The following DLAT variants were observed in gnomAD, a reference collection of about 807,000 sequenced individuals.
The protein encoded by DLAT is dihydrolipoyllysine-residue acetyltransferase component of pyruvate dehydrogenase complex, mitochondrial.
A neutral mutation model predicts 68.0 loss-of-function variants in DLAT; 43 were observed. The ratio of observed to expected loss-of-function variants is 0.63; its 90% CI spans 0.50 to 0.81. The LOEUF is 0.81. DLAT is among the 40% of genes least tolerant of loss of function. DLAT has a pLI of 0.00. For synonymous variants in DLAT, 265 were observed against 288.6 expected (o/e 0.92, Z 0.83); for missense variants, 745 against 815.4 (o/e 0.91, Z 1.05).
chr11:112,043,641 C>G (rs984188843), intron 8 of DLAT, 108 bp downstream of exon 8: 10 of 1,070,798 alleles, frequency 9.3e-6, no homozygotes, highest in Non-Finnish European at 1.5e-6. Flanking sequence ...TTGTTTTCTT[C>G]TAATTTCAGT....
intron 5 of DLAT, among the ~76,000 whole-genome samples, chr11:112,036,124 C>CAT (rs1384689808): frequency 6.7e-5 from 9 of 133,590 alleles, no homozygotes; most frequent in Middle Eastern, 4.6e-3. Context: ...CAGACTTAAA[C>CAT]ATATATATAT....
Position 112,028,540 on chromosome 11 carries a change from G to T in DLAT, c.407G>T (p.Gly136Val). The change falls in exon 3 of 14, where the codon GGA (glycine) becomes GTA (valine). Residue 136 changes from glycine (G) to valine (V), a missense_variant. By Grantham distance (109) the Gly-to-Val change is moderately radical. Transcript: ENST00000280346. Reference sequence around the variant, plus strand: ...GTTGAAACTGATAAAGCCACTGTTGGATTTGAGAGCCTGGAGGAGTGTTAT... The same window carrying T: ...GTTGAAACTGATAAAGCCACTGTTGTATTTGAGAGCCTGGAGGAGTGTTAT... ...AEVETDKATV[G>V]FESLEECYMA... The T allele has an allele frequency of 3.1e-6, 5 of 1,614,098 alleles. No homozygotes were observed. The highest frequency in any genetic ancestry group is 4.2e-6 in the Non-Finnish European group (5 of 1,180,036).
intron 7 of DLAT, among the ~76,000 whole-genome samples, chr11:112,042,417 T>C (rs980463310): frequency 1.3e-5 from 2 of 152,182 alleles, no homozygotes; most frequent in African/African-American, 4.8e-5. Flanking sequence ...AGAAATCTAA[T>C]AGGGGTACTA....
intron 7 of DLAT, 44 bp from the exon 8 acceptor site, chr11:112,043,422 C>T (rs1296919465): frequency 6.4e-7 from 1 of 1,566,652 alleles, no homozygotes; most frequent in Non-Finnish European, 8.8e-7. Context: ...CCTTGGGGAA[C>T]CAATGGTATG....
chr11:112,025,639 G>A lies in DLAT; in HGVS notation c.167G>A (p.Arg56Gln), dbSNP rs782260343. ...GTGACTACAGGGTATGGCGGGGTCC[G>A]GGCACTGTGCGGCTGGACCCCCAGT... Reference protein sequence around the residue: ...NSVTTGYGGVRALCGWTPSSG... With the variant: ...NSVTTGYGGVQALCGWTPSSG... Residue 56 changes from arginine (R) to glutamine (Q), a missense_variant, in exon 1 of 14, where the codon CGG becomes CAG. Transcript: ENST00000280346. 50 of 1,613,332 alleles carry A rather than the reference G, an allele frequency of 3.1e-5. No homozygotes were observed. The highest frequency in any genetic ancestry group is 4.2e-5 in the Non-Finnish European group (50 of 1,179,982).
At position 112,026,298 on chromosome 11, in the gene DLAT, A is replaced by G; in HGVS notation, c.380A>G (p.Glu127Gly). ...ATCAATGAAGGTGACCTAATTGCAG[A>G]GGTAAGTTTTTTTTTTTTTTTTTAA... ...DKINEGDLIAEVETDKATVGF... is the reference protein window; with the variant it reads ...DKINEGDLIAGVETDKATVGF... Residue 127 changes from glutamate to glycine, a missense_variant and splice_region_variant, in exon 2 of 14, where the codon GAG (glutamate) becomes GGG (glycine). Glu to Gly is a moderately conservative substitution (Grantham distance 98). Transcript: ENST00000280346. 1 of 1,412,168 alleles carries G rather than the reference A, an allele frequency of 7.1e-7. No individual in the cohort carries two copies. Among genetic ancestry groups the G allele is most frequent in the Non-Finnish European group, 9.4e-7 (1 of 1,061,398 alleles). The allele number at this position is 1,412,168 out of a possible 1,614,324, so 87.5% of individuals were successfully genotyped here.
intron 5 of DLAT, among the ~76,000 whole-genome samples, chr11:112,036,165 A>ATGTGTGTGTGTGTGTGTG (rs797041830): frequency 2.0e-5 from 2 of 101,814 alleles, no homozygotes; most frequent in African/African-American, 4.6e-5. Context: ...GTGTGTGTAT[A>ATGTGTGTGTGTGTGTGTG]TATGTGTGTG....
At chr11:112,050,487 C>T (rs1863555379) in intron 10 of DLAT, among the ~76,000 whole-genome samples, 2 of 152,014 alleles carry the variant, frequency 1.3e-5, no homozygotes, top group Non-Finnish European at 1.5e-5. Flanking sequence ...AGAATACTGA[C>T]GAAGCCATTT....
At position 112,060,189 on chromosome 11, in the gene DLAT, A is replaced by C. The variant is rs1412496450; in HGVS notation, c.1677+124A>C. On this transcript the variant is annotated intron_variant, in intron 12 of 13. Coordinates refer to ENST00000280346, the MANE Select transcript of DLAT (RefSeq NM_001931.5). ...TTTTTTTTTTTTTTTTTTGAGACGG[A>C]GTCTCTCTGTCACCCAGGCTGGAGT... The C allele has an allele frequency of 1.7e-5, 13 of 783,034 alleles. 1 individual carries two copies. The highest frequency in any genetic ancestry group is 3.5e-5 in the South Asian group (2 of 56,928). The allele number at this position is 783,034 out of a possible 1,614,324, so 48.5% of individuals were successfully genotyped here.
At chr11:112,038,225 G>A (rs1479643821) in intron 6 of DLAT, among the ~76,000 whole-genome samples, 1 of 152,098 alleles carries the variant, frequency 6.6e-6, no homozygotes, top group African/African-American at 2.4e-5. Flanking sequence ...TTGAGACGGA[G>A]TCTTGCTCCG....
chr11:112,048,462 T>C (rs1448166824), intron 10 of DLAT, among the ~76,000 whole-genome samples: 2 of 152,216 alleles, frequency 1.3e-5, no homozygotes, highest in African/African-American at 4.8e-5. Context: ...CTTTATTTCT[T>C]TCTCTTGCCT....
At position 112,028,624 on chromosome 11, in the gene DLAT, G is replaced by C. The variant is rs782465214; in HGVS notation, c.491G>C (p.Cys164Ser). 1.2e-6 allele frequency: 2 copies of C among 1,614,164 alleles called. No individual in the cohort carries two copies. The highest frequency in any genetic ancestry group is 1.7e-6 in the Non-Finnish European group (2 of 1,180,014). ...TRDVPIGAII[C>S]ITVGKPEDIE... is the part of the protein sequence containing the mutation. The stretch of plus-strand genomic sequence containing the variant: ...GATGTTCCCATCGGAGCGATCATCT[G>C]TATCACAGTTGGCAAGTGAGTAGTG... The change falls in exon 3 of 14, where the codon TGT (cysteine) becomes TCT (serine). Residue 164 changes from cysteine (C) to serine (S), a missense_variant. By Grantham distance (112) the Cys-to-Ser change is moderately radical. Transcript: ENST00000280346.
Position 112,042,802 on chromosome 11 carries a change from T to C in DLAT, c.1130-664T>C, listed in dbSNP as rs1863112481. Among the ~76,000 whole-genome samples the C allele has an allele frequency of 2.6e-5, 4 of 152,236 alleles. No homozygotes were observed. In the South Asian group the frequency reaches 6.2e-4, roughly 24 times the overall value. ...CATTGCACCTTTTTCCTTCATTTCC[T>C]TTAACACGGGCCAGTTTAGAGCCTT... On this transcript the variant is annotated intron_variant, in intron 7 of 13. Transcript: ENST00000280346.
At position 112,045,193 on chromosome 11, in the gene DLAT, G is replaced by T. The variant is rs782786806; in HGVS notation, c.1253G>T (p.Gly418Val). 6 of 1,614,108 alleles carry T rather than the reference G, an allele frequency of 3.7e-6. No homozygotes were observed. In the Admixed American group the frequency reaches 5.0e-5, roughly 13 times the overall value. ...TGPGMAPVPTGVFTDIPISNI... is the reference protein window; with the variant it reads ...TGPGMAPVPTVVFTDIPISNI... ...CCTGGAATGGCACCAGTTCCTACAG[G>T]TGTCTTCACAGATATCCCAATCAGC... The change falls in exon 9 of 14, where the codon GGT (glycine) becomes GTT (valine). Residue 418 changes from glycine to valine, a missense_variant. Physicochemically the swap from Gly to Val is moderately radical, Grantham distance 109. Coordinates refer to ENST00000280346, the MANE Select transcript of DLAT (RefSeq NM_001931.5).
chr11:112,044,212 T>G (rs1322408556), intron 8 of DLAT, among the ~76,000 whole-genome samples: 4 of 152,220 alleles, frequency 2.6e-5, no homozygotes, highest in Non-Finnish European at 2.9e-5. Context: ...TTTGTTTGTT[T>G]TTGAGACAGT....
chr11:112,044,042 A>G (rs1170099331), intron 8 of DLAT, among the ~76,000 whole-genome samples: 1 of 152,240 alleles, frequency 6.6e-6, no homozygotes, highest in Non-Finnish European at 1.5e-5. Flanking sequence ...ATTTATATAC[A>G]AGATCAAAGA....
chr11:112,032,148 C>T (rs1316188188), intron 4 of DLAT, among the ~76,000 whole-genome samples: 2 of 151,764 alleles, frequency 1.3e-5, no homozygotes, highest in South Asian at 4.2e-4. Flanking sequence ...GATCCTTGGC[C>T]TCCCAAAGTG....
chr11:112,038,619 T>C (rs1555180746), intron 6 of DLAT, among the ~76,000 whole-genome samples: 1 of 149,472 alleles, frequency 6.7e-6, no homozygotes, highest in African/African-American at 2.5e-5. Context: ...CTGAGGCAGG[T>C]GGATCGCTTG....
chr11:112,043,650 G>C, intron 8 of DLAT, 117 bp downstream of exon 8: 2 of 1,022,514 alleles, frequency 2.0e-6, no homozygotes, highest in Non-Finnish European at 3.1e-6. Context: ...TCTAATTTCA[G>C]TGGTTTAATA....
Sources: allele counts gnomAD v4.1 joint callset (sites outside exome capture counted in the v4.1 genomes callset), GRCh38; gene constraint gnomAD v4.1.1; transcripts MANE v1.5; gene names NCBI Gene and HGNC (gene_info 2026-07-23, HGNC 2026-07-21).